Variants in CPLANE1 observed in about 807,000 individuals in gnomAD.
CPLANE1 encodes the protein ciliogenesis and planar polarity effector complex subunit 1.
A neutral mutation model predicts 362.5 loss-of-function variants in CPLANE1; 263 were observed. That is an observed-to-expected ratio of 0.73 (90% CI 0.66 to 0.80). The LOEUF (loss-of-function observed/expected upper bound fraction) is 0.80, where lower values mean the gene tolerates loss of function less well. Ranked by LOEUF, CPLANE1 falls within the 30% of genes least tolerant of loss-of-function variation. The pLI, the probability that CPLANE1 is intolerant of heterozygous loss-of-function variation, is 0.00. For synonymous variants in CPLANE1, 1,212 were observed against 1,302.6 expected (o/e 0.93, Z 1.50); for missense variants, 3,461 against 3,793.4 (o/e 0.91, Z 2.30).
At chr5:37,156,926 G>A (rs1023956919) in intron 41 of CPLANE1, among the ~76,000 whole-genome samples, 8 of 152,208 alleles carry the variant, frequency 5.3e-5, no homozygotes, top group African/African-American at 1.4e-4. Context: ...CATGTGTCCC[G>A]AATTTGAAAT....
chr5:37,138,796 T>C lies in CPLANE1; in HGVS notation c.8716A>G (p.Ile2906Val), dbSNP rs1305021238. Residue 2906 changes from isoleucine (I) to valine (V), a missense_variant, in exon 46 of 53, where the codon ATT becomes GTT. Coordinates refer to ENST00000651892, the MANE Select transcript of CPLANE1 (RefSeq NM_001384732.1). ...CCGTCTTTAATTATAAGGTCATCAATAATGTCTGCAATATCAGTCAATCCA... is the reference window on the plus strand; with the variant it reads ...CCGTCTTTAATTATAAGGTCATCAACAATGTCTGCAATATCAGTCAATCCA... ...MTGLTDIADI[I>V]DDLIIKDGVS... The C allele has an allele frequency of 6.2e-7, 1 of 1,613,200 alleles. No individual in the cohort carries two copies. Among genetic ancestry groups the C allele is most frequent in the Admixed American group, 1.7e-5 (1 of 59,934 alleles).
At chr5:37,200,994 TTG>T (rs1234364370) in intron 19 of CPLANE1, among the ~76,000 whole-genome samples, 1 of 152,124 alleles carries the variant, frequency 6.6e-6, no homozygotes, top group Non-Finnish European at 1.5e-5. Flanking sequence ...CAGCTAATTT[TTG>T]TATATTTTAT....
the CPLANE1 span, among the ~76,000 whole-genome samples, chr5:37,081,792 C>T: frequency 2.0e-5 from 3 of 152,126 alleles, no homozygotes; most frequent in African/African-American, 7.2e-5. Flanking sequence ...AACCTACACA[C>T]ATCATAGTCA....
intron 31 of CPLANE1, 119 bp from the exon 32 acceptor site, chr5:37,174,066 T>C: frequency 1.2e-6 from 1 of 859,792 alleles, no homozygotes; most frequent in Non-Finnish European, 1.7e-6. Flanking sequence ...GTTATTCTAG[T>C]AGTTTTCTAG....
chr5:37,108,764 T>C (rs1338896968), intron 51 of CPLANE1, among the ~76,000 whole-genome samples: 2 of 152,158 alleles, frequency 1.3e-5, no homozygotes, highest in Non-Finnish European at 2.9e-5. Context: ...TGGAGAGGTA[T>C]TGACACCAAA....
rs1050105014 is a variant in CPLANE1, at chr5:37,245,572, T to C, written c.244A>G (p.Thr82Ala). The C allele has an allele frequency of 2.6e-6, 4 of 1,521,978 alleles. No individual in the cohort carries two copies. The highest frequency in any genetic ancestry group is 1.4e-5 in the African/African-American group (1 of 71,854). The allele number at this position is 1,521,978 out of a possible 1,614,324, so 94.3% of individuals were successfully genotyped here. The stretch of plus-strand genomic sequence containing the variant: ...TTGTTCCAAAGGAAAAGCTCTCCTG[T>C]AGTTAGTACCCCAGCCAGCCAGGCA... ...NDAWLAGVLT[T>A]GELFLWNKDQ... The change falls in exon 4 of 53, where the codon ACA (threonine) becomes GCA (alanine). Residue 82 changes from threonine (T) to alanine (A), a missense_variant. This residue lies in a region of CPLANE1 where 3,380 missense variants were observed against 3,666.1 expected (regional missense o/e 0.92). Coordinates refer to ENST00000651892, the MANE Select transcript of CPLANE1 (RefSeq NM_001384732.1).
At chr5:37,244,282 C>G in intron 5 of CPLANE1, 93 bp downstream of exon 5, 1 of 674,212 alleles carries the variant, frequency 1.5e-6, no homozygotes, top group Non-Finnish European at 2.2e-6. Context: ...TTCACAATTA[C>G]TATGAAAATT....
chr5:37,141,357 A>G, intron 44 of CPLANE1: 1 of 985,410 alleles, frequency 1.0e-6, no homozygotes, highest in Non-Finnish European at 1.2e-6. Context: ...CAGAGAAGAG[A>G]AGAGAAAAGC....
the CPLANE1 span, among the ~76,000 whole-genome samples, chr5:37,088,034 T>C: frequency 4.1e-4 from 62 of 152,292 alleles, no homozygotes; most frequent in African/African-American, 1.3e-3. Context: ...CTCATGCCAA[T>C]GTACAACAAC....
In CPLANE1 at chr5:37,245,804, A is replaced by G. The variant is rs1282218664; in HGVS notation, c.123T>C (p.Asn41=). The G allele has an allele frequency of 1.3e-6, 2 of 1,528,794 alleles. No individual in the cohort carries two copies. The highest frequency in any genetic ancestry group is 2.2e-5 in the Admixed American group (1 of 46,458). 94.7% of individuals were successfully genotyped at this position (1,528,794 alleles called of 1,614,324 possible). A position where few individuals can be genotyped will look rare whatever the true frequency, so the allele number is the denominator to read the frequency against. ...AVFLLDDKFI[N]EINLLSGKIK... ...TCTTTCCTGATAGCAAATTAATTTC[A>G]TTTATGAATTTATCATCCAAAAGAA... Residue 41 remains asparagine (N), a synonymous_variant, in exon 3 of 53, where the codon AAT becomes AAC. Coordinates refer to ENST00000651892, the MANE Select transcript of CPLANE1 (RefSeq NM_001384732.1).
intron 16 of CPLANE1, among the ~76,000 whole-genome samples, chr5:37,212,937 G>C (rs1451952636): frequency 6.6e-6 from 1 of 152,144 alleles, no homozygotes; most frequent in Non-Finnish European, 1.5e-5. Flanking sequence ...CATTTGGCCG[G>C]GCACGTGGCG....
At chr5:37,121,866 A>C (rs1579892120) in intron 48 of CPLANE1, 82 bp from the exon 49 acceptor site, 46 of 1,155,394 alleles carry the variant, frequency 4.0e-5, no homozygotes, top group South Asian at 1.2e-4. Context: ...TTTGAAGATC[A>C]CCTAGCATGT....
intron 44 of CPLANE1, chr5:37,140,078 T>C (rs1769200743): frequency 1.1e-6 from 1 of 919,424 alleles, no homozygotes; most frequent in Non-Finnish European, 1.3e-6. Context: ...CAAAATATAA[T>C]TTTTAAGTCT....
At chr5:37,214,899 G>A (rs957697280) in intron 15 of CPLANE1, among the ~76,000 whole-genome samples, 1 of 152,206 alleles carries the variant, frequency 6.6e-6, no homozygotes, top group Admixed American at 6.5e-5. Context: ...GACATTACAA[G>A]TAAAAGTTGA....
At chr5:37,233,460 G>A (rs2150563832) in intron 8 of CPLANE1, among the ~76,000 whole-genome samples, 1 of 152,164 alleles carries the variant, frequency 6.6e-6, no homozygotes, top group Non-Finnish European at 1.5e-5. Flanking sequence ...CCCTTGGGCT[G>A]AGTTTGGGTT....
At chr5:37,122,340 T>A (rs1232180310) in intron 48 of CPLANE1, 90 bp downstream of exon 48, 6 of 970,258 alleles carry the variant, frequency 6.2e-6, no homozygotes, top group African/African-American at 1.7e-5. Flanking sequence ...AAAAAGAGAC[T>A]ATTGTGAAAA....
chr5:37,241,482 G>GATAT (rs1479971373), intron 6 of CPLANE1, among the ~76,000 whole-genome samples: 8 of 152,194 alleles, frequency 5.3e-5, no homozygotes, highest in African/African-American at 1.4e-4. Flanking sequence ...TAGATAGATA[G>GATAT]ATAGGTAGAT....
Position 37,247,603 on chromosome 5 carries a change from T to G in CPLANE1, c.81+15A>C. On this transcript the variant is annotated intron_variant, in intron 2 of 52. Transcript: ENST00000651892. Reference sequence around the variant, plus strand: ...ATATATAAAACTGGTATTGCATGAATAAAGAAAAACCTACCTTTCCCAACC... The same window carrying G: ...ATATATAAAACTGGTATTGCATGAAGAAAGAAAAACCTACCTTTCCCAACC... 6.5e-7 allele frequency: 1 copy of G among 1,548,536 alleles called. No individual in the cohort carries two copies. The highest frequency in any genetic ancestry group is 8.7e-7 in the Non-Finnish European group (1 of 1,145,132).
At chr5:37,115,093 T>C (rs375906283) in intron 50 of CPLANE1, 44 bp from the exon 51 acceptor site, 4 of 1,210,318 alleles carry the variant, frequency 3.3e-6, no homozygotes, top group Non-Finnish European at 2.4e-6. Context: ...TAGACATCCA[T>C]GATTTTTATA....
Sources: gnomAD v4.1 joint callset for allele counts (sites outside exome capture counted in the v4.1 genomes callset) on GRCh38, gnomAD v4.1.1 for gene constraint, gnomAD v4.1.1 regional missense constraint, MANE v1.5 for transcripts, NCBI Gene and HGNC (gene_info 2026-07-23, HGNC 2026-07-21) for gene names.